CNTN5: variants seen among roughly 807,000 people sequenced by gnomAD.
The protein encoded by CNTN5 is contactin 5.
CNTN5 carries 77 observed loss-of-function variants against 129.1 expected under a neutral mutation model. The ratio of observed to expected loss-of-function variants is 0.60; its 90% CI spans 0.50 to 0.72. The LOEUF is 0.72. Ranked by LOEUF, CNTN5 falls within the 30% of genes least tolerant of loss-of-function variation. The probability of loss-of-function intolerance (pLI) is 0.00; values close to 1 mark genes in which losing one functional copy is unlikely to be tolerated. For missense variants in CNTN5, 1,478 were observed against 1,328.8 expected (o/e 1.11, Z -1.75); for synonymous variants, 509 against 465.6 (o/e 1.09, Z -1.20).
chr11:99,631,524 A>G (rs746964991), intron 3 of CNTN5, among the ~76,000 whole-genome samples: 3 of 152,120 alleles, frequency 2.0e-5, no homozygotes, highest in African/African-American at 4.8e-5. Flanking sequence ...ATTATAGACT[A>G]AAGTTTATTG....
chr11:99,272,193 G>T (rs1190069305), intron 1 of CNTN5, among the ~76,000 whole-genome samples: 1 of 151,782 alleles, frequency 6.6e-6, no homozygotes, highest in Non-Finnish European at 1.5e-5. Flanking sequence ...GTCACATTTT[G>T]TGCTCAAGCA....
At chr11:99,473,311 T>C (rs1485553205) in intron 2 of CNTN5, among the ~76,000 whole-genome samples, 3 of 152,164 alleles carry the variant, frequency 2.0e-5, no homozygotes, top group African/African-American at 7.2e-5. Flanking sequence ...CTTTTAAACA[T>C]ATATCTACTT....
Position 99,042,828 on chromosome 11 carries a change from C to T in CNTN5, c.-210+21558C>T, listed in dbSNP as rs115805106. On this transcript the variant is annotated intron_variant, in intron 1 of 24. Transcript: ENST00000524871. The stretch of plus-strand genomic sequence containing the variant: ...GACGCAGTCTGGGACAGGTGTTTAA[C>T]GTACAGCTCCAGTAACTGAAGAATT... 1.0e-3 allele frequency among the ~76,000 whole-genome samples: 153 copies of T among 151,852 alleles called. 4 individuals carry two copies. Among genetic ancestry groups the T allele is most frequent in the African/African-American group, 3.5e-3 (145 of 41,164 alleles).
chr11:100,035,721 GTGA>G (rs1163903320), intron 9 of CNTN5, among the ~76,000 whole-genome samples: 1 of 150,122 alleles, frequency 6.7e-6, no homozygotes, highest in African/African-American at 2.5e-5. Flanking sequence ...CTGATGGCCA[GTGA>G]TGATGAGCAT....
chr11:100,231,764 T>C (rs1428017593), intron 16 of CNTN5, among the ~76,000 whole-genome samples: 4 of 152,160 alleles, frequency 2.6e-5, no homozygotes, highest in South Asian at 2.1e-4. Context: ...TCTAAGCAAA[T>C]AGTTGTGTAG....
At chr11:99,470,511 T>G (rs1432481696) in intron 2 of CNTN5, among the ~76,000 whole-genome samples, 3 of 152,116 alleles carry the variant, frequency 2.0e-5, no homozygotes, top group African/African-American at 7.2e-5. Flanking sequence ...TAGTTCATTT[T>G]CTTCCCCTTT....
At chr11:100,266,105 G>T (rs988775720) in intron 17 of CNTN5, among the ~76,000 whole-genome samples, 1 of 152,002 alleles carries the variant, frequency 6.6e-6, no homozygotes, top group African/African-American at 2.4e-5. Context: ...TAATTAAATT[G>T]GTGGCTGGAT....
intron 7 of CNTN5, among the ~76,000 whole-genome samples, chr11:99,935,628 AT>A (rs1950299814): frequency 6.6e-6 from 1 of 151,978 alleles, no homozygotes; most frequent in Non-Finnish European, 1.5e-5. Context: ...ATATGTAATT[AT>A]TTTTTGATAC....
intron 6 of CNTN5, among the ~76,000 whole-genome samples, chr11:99,903,955 A>T (rs973689699): frequency 6.6e-6 from 1 of 152,158 alleles, no homozygotes; most frequent in Non-Finnish European, 1.5e-5. Flanking sequence ...ATCAGACCAC[A>T]ATGAGACATC....
intron 2 of CNTN5, among the ~76,000 whole-genome samples, chr11:99,430,610 C>T (rs2135101436): frequency 6.6e-6 from 1 of 151,712 alleles, no homozygotes; most frequent in East Asian, 1.9e-4. Context: ...CAGACACACA[C>T]ATATGTATAT....
chr11:100,000,225 G>A (rs1225037428), intron 8 of CNTN5, among the ~76,000 whole-genome samples: 1 of 152,032 alleles, frequency 6.6e-6, no homozygotes, highest in Non-Finnish European at 1.5e-5. Context: ...GACAAGAATA[G>A]TCCTTTCCAC....
chr11:99,270,230 A>C (rs1863110519), intron 1 of CNTN5, among the ~76,000 whole-genome samples: 1 of 151,908 alleles, frequency 6.6e-6, no homozygotes, highest in African/African-American at 2.4e-5. Context: ...TGAGTAATAC[A>C]TGTATTAAGT....
chr11:99,628,886 C>A (rs1249977719), intron 3 of CNTN5, among the ~76,000 whole-genome samples: 1 of 151,930 alleles, frequency 6.6e-6, no homozygotes, highest in Non-Finnish European at 1.5e-5. Context: ...AAGCTATAAC[C>A]AGTTCATTTA....
intron 1 of CNTN5, among the ~76,000 whole-genome samples, chr11:99,034,892 C>A (rs1863627943): frequency 6.6e-6 from 1 of 150,416 alleles, no homozygotes; most frequent in African/African-American, 2.4e-5. Context: ...TTCCTGCTTT[C>A]TCTTGTGGGC....
chr11:99,975,587 G>C (rs1937896768), intron 8 of CNTN5, among the ~76,000 whole-genome samples: 2 of 152,118 alleles, frequency 1.3e-5, no homozygotes, highest in Non-Finnish European at 2.9e-5. Context: ...AAAACTTACA[G>C]TTATGGCAGA....
chr11:99,765,510 A>C (rs1442055257), intron 3 of CNTN5, among the ~76,000 whole-genome samples: 1 of 151,912 alleles, frequency 6.6e-6, no homozygotes. Flanking sequence ...GATATAGAAG[A>C]TTAAAAACTC....
rs144620861 is a variant in CNTN5, at chr11:99,436,338, G to A, written c.-71+110854G>A. Among the ~76,000 whole-genome samples, 40 of 152,284 alleles carry A rather than the reference G, an allele frequency of 2.6e-4. No individual in the cohort carries two copies. The East Asian group carries it at 6.4e-3, about 24-fold the overall frequency. On this transcript the variant is annotated intron_variant, in intron 2 of 24. Coordinates refer to ENST00000524871, the MANE Select transcript of CNTN5 (RefSeq NM_014361.4). ...TCACATATGAATAAATGGAGGATCA[G>A]AGAGATTAAATCATTTATGCTCAGA...
chr11:99,637,049 ACT>A (rs1951589750), intron 3 of CNTN5, among the ~76,000 whole-genome samples: 1 of 141,516 alleles, frequency 7.1e-6, no homozygotes, highest in African/African-American at 2.6e-5. Context: ...AAAGTAAATG[ACT>A]CTGTATTGCA....
intron 21 of CNTN5, among the ~76,000 whole-genome samples, chr11:100,329,443 C>A (rs1424084786): frequency 6.6e-6 from 1 of 152,234 alleles, no homozygotes; most frequent in Non-Finnish European, 1.5e-5. Flanking sequence ...GTGCTTAGGG[C>A]AAGTTTGCAT....
Sources: gnomAD v4.1 joint callset for allele counts (sites outside exome capture counted in the v4.1 genomes callset) on GRCh38, gnomAD v4.1.1 for gene constraint, MANE v1.5 for transcripts, NCBI Gene and HGNC (gene_info 2026-07-23, HGNC 2026-07-21) for gene names.